PNKD: variants seen among roughly 807,000 people sequenced by gnomAD.
PNKD encodes the protein PNKD metallo-beta-lactamase domain containing.
PNKD carries 36 observed loss-of-function variants against 45.3 expected under a neutral mutation model. That is an observed-to-expected ratio of 0.80 (90% CI 0.61 to 1.05). The LOEUF is 1.05. PNKD is among the 50% of genes least tolerant of loss of function. PNKD has a pLI of 0.00. For missense variants in PNKD, 511 were observed against 506.6 expected, an observed-to-expected ratio of 1.01 and a Z score of -0.08; for synonymous variants, 197 against 210.1, an observed-to-expected ratio of 0.94 and a Z score of 0.54.
At chr2:218,339,762 G>T in intron 2 of PNKD, 21 bp from the exon 3 acceptor site, 3 of 1,504,036 alleles carry the variant, frequency 2.0e-6, no homozygotes, top group Non-Finnish European at 2.8e-6. Context: ...GCTAATCATA[G>T]GCCACCCACT....
At position 218,306,003 on chromosome 2, in the gene PNKD, G is replaced by A. The variant is rs147677196; in HGVS notation, c.237-33780G>A. Among the ~76,000 whole-genome samples the A allele has an allele frequency of 1.1e-4, 17 of 152,270 alleles. No homozygotes were observed. In the East Asian group the frequency reaches 3.1e-3, roughly 28 times the overall value. On this transcript the variant is annotated intron_variant, in intron 2 of 9. Coordinates refer to ENST00000273077, the MANE Select transcript of PNKD (RefSeq NM_015488.5). Reference sequence around the variant, plus strand: ...ATTAGTTATGGTTACTCCTGGAAGGGTATCACATCCCCGGGGGCATGGTAG... The same window carrying A: ...ATTAGTTATGGTTACTCCTGGAAGGATATCACATCCCCGGGGGCATGGTAG...
rs1193588493 is a variant in PNKD, at chr2:218,278,671, G to C, written c.236+7122G>C. ...CCCAAATAGCCGTTTGGAAGTCTGA[G>C]GGGAAGCAACTCAACAGGAAGCAAG... is the stretch of plus-strand genomic sequence containing the variant. On this transcript the variant is annotated intron_variant, in intron 2 of 9. Transcript: ENST00000273077. 3 of 1,263,934 alleles carry C rather than the reference G, an allele frequency of 2.4e-6. No individual in the cohort carries two copies. The African/African-American group carries it at 4.4e-5, about 19-fold the overall frequency. The allele number at this position is 1,263,934 out of a possible 1,614,324, so 78.3% of individuals were successfully genotyped here.
chr2:218,346,587 GC>G lies in PNKD; in HGVS notation c.*1607del, dbSNP rs1694831805. On this transcript the variant is annotated 3_prime_UTR_variant, in exon 10 of 10. Coordinates refer to ENST00000273077, the MANE Select transcript of PNKD (RefSeq NM_015488.5). ...CAACCCCTGTGCCCCTCCCCTCCAG[GC>G]TACCTCTGCACTTTGTCAATGCTTC... The G allele has an allele frequency of 6.5e-6, 1 of 154,056 alleles. No individual in the cohort carries two copies. Among genetic ancestry groups the G allele is most frequent in the South Asian group, 2.1e-4 (1 of 4,830 alleles). The allele number at this position is 154,056 out of a possible 1,614,324, so 9.5% of individuals were successfully genotyped here.
intron 2 of PNKD, chr2:218,286,341 T>A (rs2106228462): frequency 6.6e-6 from 1 of 152,100 alleles, no homozygotes; most frequent in East Asian, 1.9e-4. Context: ...CTGGCCCACC[T>A]TCTGCTTGAA....
At chr2:218,341,217 T>C (rs577882793) in intron 5 of PNKD, among the ~76,000 whole-genome samples, 1 of 152,224 alleles carries the variant, frequency 6.6e-6, no homozygotes. Flanking sequence ...AAGTATGTGA[T>C]ATTTAGGTAA....
chr2:218,296,391 G>A (rs1457614689), intron 2 of PNKD, among the ~76,000 whole-genome samples: 1 of 152,154 alleles, frequency 6.6e-6, no homozygotes, highest in Non-Finnish European at 1.5e-5. Context: ...AGGTATTTTA[G>A]GACTAGCTAA....
chr2:218,300,631 C>T (rs1418579420), intron 2 of PNKD, among the ~76,000 whole-genome samples: 1 of 151,696 alleles, frequency 6.6e-6, no homozygotes, highest in Admixed American at 6.6e-5. Context: ...CTGCAACCTC[C>T]GTCTCCTGGG....
rs202098674 is a variant in PNKD, at chr2:218,279,302, T to C, written c.236+7753T>C. Reference sequence around the variant, plus strand: ...CTAGAGACTTACACAAAGGTGAAGATAGCAATGATGGCCACAGTGATGAGC... The same window carrying C: ...CTAGAGACTTACACAAAGGTGAAGACAGCAATGATGGCCACAGTGATGAGC... On this transcript the variant is annotated intron_variant, in intron 2 of 9. Coordinates refer to ENST00000273077, the MANE Select transcript of PNKD (RefSeq NM_015488.5). 8.2e-6 allele frequency: 13 copies of C among 1,587,324 alleles called. No individual in the cohort carries two copies. The Middle Eastern group carries it at 6.8e-4, about 83-fold the overall frequency.
At chr2:218,295,838 A>G (rs1482354967) in intron 2 of PNKD, among the ~76,000 whole-genome samples, 1 of 143,180 alleles carries the variant, frequency 7.0e-6, no homozygotes, top group East Asian at 2.1e-4. Context: ...CAGATAAACA[A>G]CAAACCTTTT....
chr2:218,331,030 C>T (rs1416190846), intron 2 of PNKD, among the ~76,000 whole-genome samples: 1 of 152,200 alleles, frequency 6.6e-6, no homozygotes, highest in East Asian at 1.9e-4. Context: ...ACAGAAGAAG[C>T]CGTATCTCTG....
At chr2:218,284,965 C>G (rs1383870354) in intron 2 of PNKD, among the ~76,000 whole-genome samples, 1 of 152,154 alleles carries the variant, frequency 6.6e-6, no homozygotes, top group African/African-American at 2.4e-5. Flanking sequence ...CAGCAGGCGC[C>G]TAGAATCCCA....
chr2:218,272,627 CA>C, intron 2 of PNKD: 1 of 1,614,134 alleles, frequency 6.2e-7, no homozygotes, highest in Non-Finnish European at 8.5e-7. Context: ...GGGAAGTGGA[CA>C]AGGACCGTGT....
chr2:218,293,054 C>A (rs1441394480), intron 2 of PNKD, among the ~76,000 whole-genome samples: 8 of 152,182 alleles, frequency 5.3e-5, no homozygotes, highest in Admixed American at 5.2e-4. Context: ...AATTAAAATC[C>A]TTGATAATTC....
At chr2:218,289,807 G>T (rs888654585) in intron 2 of PNKD, among the ~76,000 whole-genome samples, 10 of 152,022 alleles carry the variant, frequency 6.6e-5, no homozygotes, top group Non-Finnish European at 1.3e-4. Context: ...GAAGTACATG[G>T]CATGTTCTCA....
At chr2:218,331,612 C>T (rs945556762) in intron 2 of PNKD, among the ~76,000 whole-genome samples, 25 of 152,062 alleles carry the variant, frequency 1.6e-4, no homozygotes, top group African/African-American at 5.8e-4. Context: ...GAATTACAGG[C>T]TTGCACCATC....
intron 2 of PNKD, chr2:218,282,209 G>A (rs1013222479): frequency 1.0e-5 from 13 of 1,294,664 alleles, no homozygotes; most frequent in African/African-American, 3.1e-5. Context: ...AAAAGCAATC[G>A]TGAATGCCCA....
chr2:218,314,953 G>C (rs775300547), intron 2 of PNKD, among the ~76,000 whole-genome samples: 1 of 152,066 alleles, frequency 6.6e-6, no homozygotes, highest in Non-Finnish European at 1.5e-5. Flanking sequence ...GTCTCCCGAA[G>C]TGCTGGGATG....
At chr2:218,291,402 C>A (rs573415681) in intron 2 of PNKD, among the ~76,000 whole-genome samples, 1 of 152,292 alleles carries the variant, frequency 6.6e-6, no homozygotes, top group Non-Finnish European at 1.5e-5. Flanking sequence ...CCACCACTGG[C>A]CAGCCCAAAG....
intron 2 of PNKD, among the ~76,000 whole-genome samples, chr2:218,332,251 T>C (rs992943968): frequency 4.6e-5 from 7 of 152,194 alleles, no homozygotes; most frequent in African/African-American, 1.7e-4. Context: ...GGGCCTGTTC[T>C]CACAGGTGAG....
Sources: allele counts gnomAD v4.1 joint callset (sites outside exome capture counted in the v4.1 genomes callset), GRCh38; gene constraint gnomAD v4.1.1; transcripts MANE v1.5; gene names NCBI Gene and HGNC (gene_info 2026-07-23, HGNC 2026-07-21).